NPSR1: variants seen among roughly 807,000 people sequenced by gnomAD.
NPSR1 encodes neuropeptide S receptor.
NPSR1 carries 48 observed loss-of-function variants against 46.9 expected under a neutral mutation model. The observed-to-expected ratio is 1.02, with a 90% CI of 0.81 to 1.30. The LOEUF (loss-of-function observed/expected upper bound fraction) is 1.30. Among genes scored for constraint, NPSR1 ranks in the 50% most tolerant of loss-of-function variants. NPSR1 has a pLI of 0.00. For missense variants in NPSR1, 450 were observed against 449.5 expected, an observed-to-expected ratio of 1.00 and a Z score of -0.01; for synonymous variants, 176 against 168.1, an observed-to-expected ratio of 1.05 and a Z score of -0.36.
chr7:34,693,602 C>T (rs2128691222), intron 2 of NPSR1, among the ~76,000 whole-genome samples: 1 of 152,170 alleles, frequency 6.6e-6, no homozygotes, highest in Non-Finnish European at 1.5e-5. Flanking sequence ...GAATCTATTC[C>T]AAAACATGAA....
chr7:34,662,417 A>G (rs1443267317), intron 1 of NPSR1, among the ~76,000 whole-genome samples: 1 of 134,418 alleles, frequency 7.4e-6, no homozygotes, highest in Non-Finnish European at 1.6e-5. Flanking sequence ...TGTCCCAATT[A>G]TCTCACGCTA....
chr7:34,673,826 A>G (rs1458537), intron 1 of NPSR1, among the ~76,000 whole-genome samples: 45,427 of 151,938 alleles, frequency 0.3, 8,185 homozygotes, highest in African/African-American at 0.52. Flanking sequence ...AAAAAATTTT[A>G]TCATACATAT....
chr7:34,790,746 A>AAT (rs111929376), intron 3 of NPSR1, among the ~76,000 whole-genome samples: 25,733 of 104,520 alleles, frequency 0.25, 4,224 homozygotes, highest in African/African-American at 0.42. Flanking sequence ...TGTTATATAT[A>AAT]ATATATGTTA....
chr7:34,767,894 T>TA (rs1240065059), intron 2 of NPSR1, among the ~76,000 whole-genome samples: 2 of 152,094 alleles, frequency 1.3e-5, no homozygotes, highest in Non-Finnish European at 1.5e-5. Context: ...GAGAAATTCT[T>TA]AAAGAATACA....
chr7:34,795,244 A>G (rs1788120646), intron 3 of NPSR1, among the ~76,000 whole-genome samples: 1 of 152,208 alleles, frequency 6.6e-6, no homozygotes, highest in Admixed American at 6.5e-5. Context: ...AATTCAGTAA[A>G]CTAGGAATAG....
Position 34,682,583 on chromosome 7 carries a change from C to T in NPSR1, c.148-1969C>T, listed in dbSNP as rs559961978. ...TAAGAGAGGTCCTCCAAATTCAAAT[C>T]ACTTGTTTATGTCCCACTGCTGGCA... On this transcript the variant is annotated intron_variant, in intron 1 of 8. Coordinates refer to ENST00000360581, the MANE Select transcript of NPSR1 (RefSeq NM_207172.2). Among the ~76,000 whole-genome samples, 7 of 152,166 alleles carry T rather than the reference C, an allele frequency of 4.6e-5. No individual in the cohort carries two copies. The South Asian group carries it at 1.2e-3, about 27-fold the overall frequency.
At chr7:34,662,113 T>C (rs950278454) in intron 1 of NPSR1, among the ~76,000 whole-genome samples, 1 of 152,174 alleles carries the variant, frequency 6.6e-6, no homozygotes, top group Non-Finnish European at 1.5e-5. Flanking sequence ...TATAAAATAA[T>C]GTAAATGAAA....
At chr7:34,771,523 A>G (rs1786684045) in intron 2 of NPSR1, among the ~76,000 whole-genome samples, 1 of 152,190 alleles carries the variant, frequency 6.6e-6, no homozygotes, top group Non-Finnish European at 1.5e-5. Context: ...TGGGTGGAAT[A>G]GCCCTATAAG....
At chr7:34,699,638 C>T (rs1793716394) in intron 2 of NPSR1, among the ~76,000 whole-genome samples, 1 of 152,104 alleles carries the variant, frequency 6.6e-6, no homozygotes, top group African/African-American at 2.4e-5. Flanking sequence ...TGTGCAATGC[C>T]TCTGCACAAA....
intron 6 of NPSR1, among the ~76,000 whole-genome samples, chr7:34,838,050 T>G (rs984982640): frequency 1.3e-5 from 2 of 152,106 alleles, no homozygotes; most frequent in South Asian, 2.1e-4. Flanking sequence ...CTCTGAGCAC[T>G]CACTCTCACT....
At chr7:34,721,858 C>T (rs1229500090) in intron 2 of NPSR1, among the ~76,000 whole-genome samples, 1 of 151,890 alleles carries the variant, frequency 6.6e-6, no homozygotes, top group Non-Finnish European at 1.5e-5. Flanking sequence ...GAATTAAAGT[C>T]CTAAGACTAA....
chr7:34,702,062 C>G (rs1793856164), intron 2 of NPSR1, among the ~76,000 whole-genome samples: 1 of 152,190 alleles, frequency 6.6e-6, no homozygotes, highest in African/African-American at 2.4e-5. Context: ...GCTGCATTTT[C>G]TTACCATTGG....
intron 8 of NPSR1, among the ~76,000 whole-genome samples, chr7:34,858,749 C>T (rs543868939): frequency 6.6e-6 from 1 of 151,696 alleles, no homozygotes; most frequent in African/African-American, 2.4e-5. Flanking sequence ...TCTCGTAAGA[C>T]CCATTCACTA....
chr7:34,792,664 T>C (rs1457289477), intron 3 of NPSR1, among the ~76,000 whole-genome samples: 9 of 70,892 alleles, frequency 1.3e-4, no homozygotes, highest in South Asian at 1.0e-3. Flanking sequence ...TATATATATA[T>C]TTATATATAT....
intron 8 of NPSR1, among the ~76,000 whole-genome samples, chr7:34,875,121 T>C (rs2128771072): frequency 6.6e-6 from 1 of 152,360 alleles, no homozygotes; most frequent in East Asian, 1.9e-4. Context: ...ACTCTTTGCA[T>C]ATTTATTGGA....
intron 2 of NPSR1, among the ~76,000 whole-genome samples, chr7:34,743,164 T>G (rs920906793): frequency 2.0e-5 from 3 of 152,236 alleles, no homozygotes; most frequent in African/African-American, 7.2e-5. Context: ...TAGATCCCAC[T>G]TGTCAATTGT....
chr7:34,754,341 T>C (rs1583952414), intron 2 of NPSR1, among the ~76,000 whole-genome samples: 1 of 152,332 alleles, frequency 6.6e-6, no homozygotes, highest in South Asian at 2.1e-4. Context: ...AAAAAAGAAC[T>C]GAGTGACTAA....
intron 6 of NPSR1, among the ~76,000 whole-genome samples, chr7:34,844,643 C>G (rs1484266727): frequency 6.6e-6 from 1 of 152,176 alleles, no homozygotes; most frequent in African/African-American, 2.4e-5. Context: ...TTCAGGCCAT[C>G]TGACCAAGTC....
At chr7:34,790,988 A>ATATATGTTATATGTTATATGT (rs1206941846) in intron 3 of NPSR1, among the ~76,000 whole-genome samples, 2 of 92,694 alleles carry the variant, frequency 2.2e-5, no homozygotes, top group East Asian at 3.2e-4. Context: ...ATGTTATATT[A>ATATATGTTATATGTTATATGT]TATATGTTAT....
Sources: gnomAD v4.1 joint callset for allele counts (sites outside exome capture counted in the v4.1 genomes callset) on GRCh38, gnomAD v4.1.1 for gene constraint, MANE v1.5 for transcripts, NCBI Gene and HGNC (gene_info 2026-07-23, HGNC 2026-07-21) for gene names.